The following CYP19A1 variants were observed in gnomAD, a reference collection of about 807,000 sequenced individuals.
CYP19A1 encodes the protein cytochrome P450 family 19 subfamily A member 1.
CYP19A1 carries 32 observed loss-of-function variants against 44.4 expected under a neutral mutation model. That is an observed-to-expected ratio of 0.72 (90% confidence interval 0.54 to 0.97). The LOEUF (loss-of-function observed/expected upper bound fraction) is 0.97. Ranked by LOEUF, CYP19A1 falls within the 50% of genes least tolerant of loss-of-function variation. CYP19A1 has a pLI of 0.00. For synonymous variants in CYP19A1, 212 were observed against 215.6 expected, an observed-to-expected ratio of 0.98 and a Z score of 0.14; for missense variants, 598 against 637.8, an observed-to-expected ratio of 0.94 and a Z score of 0.67.
intron 1 of CYP19A1, among the ~76,000 whole-genome samples, chr15:51,258,466 A>G (rs564038651): frequency 2.1e-4 from 32 of 152,376 alleles, no homozygotes; most frequent in Admixed American, 1.8e-3. Context: ...ATTTTAATGC[A>G]TGAGACTTGA....
In CYP19A1 at chr15:51,212,371, G is replaced by T. The variant is rs772086882; in HGVS notation, c.1212C>A (p.Leu404=). Residue 404 remains leucine (L), a synonymous_variant, in exon 9 of 10, where the codon CTC becomes CTA. Coordinates refer to ENST00000396402, the MANE Select transcript of CYP19A1 (RefSeq NM_000103.4). The part of the protein sequence containing the change: ...IILNIGRMHR[L]EFFPKPNEFT... ...ATTCATTGGGTTTGGGGAAAAACTCGAGTCTGTGCATCCTTCCAATATTCA... is the reference window on the plus strand; with the variant it reads ...ATTCATTGGGTTTGGGGAAAAACTCTAGTCTGTGCATCCTTCCAATATTCA... 4.8e-5 allele frequency: 76 copies of T among 1,595,088 alleles called. No individual in the cohort carries two copies. Among genetic ancestry groups the T allele is most frequent in the Non-Finnish European group, 5.9e-5 (69 of 1,162,770 alleles).
Position 51,217,751 on chromosome 15 carries a change from T to C in CYP19A1, c.743+790A>G, listed in dbSNP as rs556301426. On this transcript the variant is annotated intron_variant, in intron 6 of 9. Transcript: ENST00000396402. ...TATGCTAATTGCCTTACTTATATGA[T>C]CTCATTAACCTATGCCCCTACTCTA... Among the ~76,000 whole-genome samples, 55 of 152,320 alleles carry C rather than the reference T, an allele frequency of 3.6e-4. 1 individual carries two copies. The highest frequency in any genetic ancestry group is 6.8e-3 in the Middle Eastern group (2 of 294).
chr15:51,321,200 A>G (rs1445700255), intron 1 of CYP19A1, among the ~76,000 whole-genome samples: 2 of 152,198 alleles, frequency 1.3e-5, no homozygotes, highest in African/African-American at 4.8e-5. Flanking sequence ...CATAGAAGTC[A>G]TCTGTGACCC....
At chr15:51,302,215 T>A (rs1314627104) in intron 1 of CYP19A1, among the ~76,000 whole-genome samples, 9 of 152,244 alleles carry the variant, frequency 5.9e-5, no homozygotes, top group Non-Finnish European at 1.2e-4. Context: ...AGCTAGTCAA[T>A]AATCTGGAAC....
At chr15:51,300,609 A>G (rs2036092469) in intron 1 of CYP19A1, among the ~76,000 whole-genome samples, 1 of 152,136 alleles carries the variant, frequency 6.6e-6, no homozygotes, top group Non-Finnish European at 1.5e-5. Context: ...GGAGCTCCAG[A>G]ACCCCCTGTG....
intron 1 of CYP19A1, among the ~76,000 whole-genome samples, chr15:51,295,141 T>G (rs1019202028): frequency 1.2e-4 from 17 of 138,294 alleles, no homozygotes; most frequent in African/African-American, 2.4e-4. Context: ...AACGTGTTTT[T>G]TTTTTTTTTT....
chr15:51,322,667 A>G lies in CYP19A1; in HGVS notation c.-39+15828T>C, dbSNP rs139732802. Among the ~76,000 whole-genome samples the G allele has an allele frequency of 8.0e-3, 1,215 of 152,208 alleles. 8 individuals are homozygous for G. The highest frequency in any genetic ancestry group is 0.012 in the Non-Finnish European group (828 of 67,992). On this transcript the variant is annotated intron_variant, in intron 1 of 9. Transcript: ENST00000396402. Reference sequence around the variant, plus strand: ...TTGACAAAATGTTTTCCATCCTTGCATCACCCCCACCCCCGCTTCCCCACT... The same window carrying G: ...TTGACAAAATGTTTTCCATCCTTGCGTCACCCCCACCCCCGCTTCCCCACT...
At chr15:51,309,518 C>T (rs1461367074) in intron 1 of CYP19A1, among the ~76,000 whole-genome samples, 6 of 152,204 alleles carry the variant, frequency 3.9e-5, no homozygotes, top group Non-Finnish European at 8.8e-5. Context: ...CCATTGTCTT[C>T]ACTTCCCTTT....
At chr15:51,296,296 T>C (rs1264750291) in intron 1 of CYP19A1, among the ~76,000 whole-genome samples, 1 of 152,110 alleles carries the variant, frequency 6.6e-6, no homozygotes, top group African/African-American at 2.4e-5. Context: ...CCCTGAGACC[T>C]GAGGGAAAGA....
intron 1 of CYP19A1, among the ~76,000 whole-genome samples, chr15:51,253,158 G>A (rs2034387971): frequency 6.6e-6 from 1 of 152,196 alleles, no homozygotes; most frequent in Non-Finnish European, 1.5e-5. Context: ...AGAAAAAAAT[G>A]GGGGAAATAG....
rs867729978 is a variant in CYP19A1, at chr15:51,297,241, G to A, written c.-39+41254C>T. ...AGCCATGCAACCAACTAGTGGCAGAGCTGAGACAGGCCCAGACTCCAAACA... is the reference window on the plus strand; with the variant it reads ...AGCCATGCAACCAACTAGTGGCAGAACTGAGACAGGCCCAGACTCCAAACA... On this transcript the variant is annotated intron_variant, in intron 1 of 9. Transcript: ENST00000396402. 3.9e-5 allele frequency among the ~76,000 whole-genome samples: 6 copies of A among 152,298 alleles called. No homozygotes were observed. The South Asian group carries it at 1.2e-3, about 32-fold the overall frequency.
intron 1 of CYP19A1, among the ~76,000 whole-genome samples, chr15:51,327,158 C>G (rs1031683177): frequency 6.6e-6 from 1 of 152,214 alleles, no homozygotes; most frequent in Non-Finnish European, 1.5e-5. Flanking sequence ...AGTAAAGTCA[C>G]CTAGGACTTA....
chr15:51,267,816 C>T (rs1046849388), intron 1 of CYP19A1, among the ~76,000 whole-genome samples: 7 of 152,220 alleles, frequency 4.6e-5, no homozygotes, highest in African/African-American at 1.7e-4. Context: ...TGAAACCAGC[C>T]CTGCCGGCTC....
chr15:51,280,290 G>A (rs2035472472), intron 1 of CYP19A1, among the ~76,000 whole-genome samples: 1 of 151,920 alleles, frequency 6.6e-6, no homozygotes, highest in South Asian at 2.1e-4. Flanking sequence ...AGTAGAGACG[G>A]GGTTTCACAG....
chr15:51,281,037 C>G (rs1324748451), intron 1 of CYP19A1, among the ~76,000 whole-genome samples: 1 of 152,236 alleles, frequency 6.6e-6, no homozygotes, highest in African/African-American at 2.4e-5. Flanking sequence ...CCTGATGCCA[C>G]CCCCACTGAG....
At chr15:51,308,127 T>C (rs1034240975) in intron 1 of CYP19A1, among the ~76,000 whole-genome samples, 2 of 152,194 alleles carry the variant, frequency 1.3e-5, no homozygotes, top group Admixed American at 6.5e-5. Context: ...GGATGCAACA[T>C]GCAGGTTCCC....
intron 1 of CYP19A1, among the ~76,000 whole-genome samples, chr15:51,307,187 G>A (rs905958535): frequency 6.6e-6 from 1 of 152,194 alleles, no homozygotes; most frequent in Non-Finnish European, 1.5e-5. Context: ...GGTTTTGTTT[G>A]GATTGGTGGC....
rs2031435669 is a variant in CYP19A1 at position 51,215,129 on chromosome 15, A to C, written c.962T>G (p.Leu321Arg). The change falls in exon 8 of 10, where the codon CTC becomes CGC. Residue 321 changes from leucine (L) to arginine (R), a missense_variant. Physicochemically the swap from Leu to Arg is moderately radical, Grantham distance 102. Coordinates refer to ENST00000396402, the MANE Select transcript of CYP19A1 (RefSeq NM_000103.4). ...TTCAACATTAGGGTGCTTTGCAATG[A>C]GAAATAGCATGAAGAACAAAGAGAC... ...MSVSLFFMLF[L>R]IAKHPNVEEA... is the part of the protein sequence containing the mutation. 6.2e-7 allele frequency: 1 copy of C among 1,613,988 alleles called. No homozygotes were observed.
intron 1 of CYP19A1, among the ~76,000 whole-genome samples, chr15:51,308,222 T>C (rs1424370154): frequency 2.7e-4 from 41 of 151,982 alleles, no homozygotes. Flanking sequence ...CGCCCCCAGC[T>C]CTCATCTGGG....
Sources: gnomAD v4.1 joint callset for allele counts (sites outside exome capture counted in the v4.1 genomes callset) on GRCh38, gnomAD v4.1.1 for gene constraint, MANE v1.5 for transcripts, NCBI Gene and HGNC (gene_info 2026-07-23, HGNC 2026-07-21) for gene names.